Variants in TAP2 observed in about 807,000 individuals in gnomAD.
The protein encoded by TAP2 is transporter 2, ATP binding cassette subfamily B member, also known as antigen peptide transporter 2.
In TAP2, 49 loss-of-function variants were observed where a neutral mutation model predicts 74.7. The observed-to-expected ratio is 0.66, with a 90% CI of 0.52 to 0.83. TAP2 has a LOEUF of 0.83. Among genes scored for constraint, TAP2 ranks in the 40% least tolerant of loss-of-function variants. The pLI is 0.00. For synonymous variants in TAP2, 306 were observed against 368.4 expected (o/e 0.83, Z 1.94); for missense variants, 739 against 859.0 (o/e 0.86, Z 1.75).
chr6:32,824,729 CAT>C (rs1185462981), downstream of TAP2, among the ~76,000 whole-genome samples: 4 of 152,066 alleles, frequency 2.6e-5, no homozygotes, highest in African/African-American at 4.8e-5. Context: ...ATATTTTTAA[CAT>C]GTTTACCAAA....
chr6:32,830,509 G>A, intron 8 of TAP2, 69 bp from the exon 9 acceptor site: 1 of 1,592,010 alleles, frequency 6.3e-7, no homozygotes, highest in Non-Finnish European at 8.5e-7. Flanking sequence ...TCTCTTCTTA[G>A]CAGAGGCAAG....
rs1769120258 is a variant in TAP2, at chr6:32,832,150, T to C, written c.1272+183A>G. ...ATTGTTAAAGCACAGGATGTATACA[T>C]GTGAGTTTGTAATATTATTTTGTCT... On this transcript the variant is annotated intron_variant, in intron 7 of 11. Coordinates refer to ENST00000374897, the MANE Select transcript of TAP2 (RefSeq NM_001290043.2). The surrounding 1 kb of genome is among the most constrained non-coding windows in gnomAD (Gnocchi z 5.9). 5.0e-6 allele frequency: 4 copies of C among 793,556 alleles called. No homozygotes were observed. Among genetic ancestry groups the C allele is most frequent in the Non-Finnish European group, 8.0e-6 (4 of 498,522 alleles). 49.2% of individuals were successfully genotyped at this position (793,556 alleles called of 1,614,324 possible). A position where few individuals can be genotyped will look rare whatever the true frequency, so the allele number is the denominator to read the frequency against.
At chr6:32,830,474 C>G (rs1332361116) in intron 8 of TAP2, 34 bp from the exon 9 acceptor site, 3 of 1,598,428 alleles carry the variant, frequency 1.9e-6, no homozygotes, top group African/African-American at 1.3e-5. Context: ...AGGGCCTGCC[C>G]CTTCTCCCTC....
intron 1 of TAP2, 114 bp from the exon 2 acceptor site, chr6:32,838,351 T>G: frequency 7.2e-7 from 1 of 1,388,748 alleles, no homozygotes; most frequent in Non-Finnish European, 9.4e-7. Flanking sequence ...TTTTATCCTA[T>G]TCAACCCTGA....
rs1408479869 is a variant in TAP2 at position 32,832,969 on chromosome 6, G to A, written c.946-145C>T. On this transcript the variant is annotated intron_variant, in intron 5 of 11. Transcript: ENST00000374897. This position sits in a 1 kb window ranked among gnomAD's most constrained non-coding sequence, Gnocchi z 5.9. ...CTCTTCCTTACTCTTCTTTCCAGAA[G>A]GAATAAGAGTGAAGGAGCAAGGGAA... 3.7e-5 allele frequency: 36 copies of A among 962,256 alleles called. No homozygotes were observed. The highest frequency in any genetic ancestry group is 7.9e-6 in the Non-Finnish European group (5 of 629,314). 59.6% of individuals were successfully genotyped at this position (962,256 alleles called of 1,614,324 possible). A position where few individuals can be genotyped will look rare whatever the true frequency, so the allele number is the denominator to read the frequency against.
rs1033862628 is a variant in TAP2 at position 32,837,689 on chromosome 6, G to A, written c.494-38C>T. On this transcript the variant is annotated intron_variant, in intron 2 of 11. Coordinates refer to ENST00000374897, the MANE Select transcript of TAP2 (RefSeq NM_001290043.2). ...TGAAAAATAACACAAGAATGTGCTG[G>A]TGCCCAGGCCCTTTTACCACCTCCA... 1.9e-6 allele frequency: 3 copies of A among 1,614,006 alleles called. No individual in the cohort carries two copies. In the African/African-American group the frequency reaches 4.0e-5, roughly 22 times the overall value.
intron 1 of TAP2, 119 bp from the exon 2 acceptor site, chr6:32,838,356 C>A (rs1193603828): frequency 4.4e-6 from 6 of 1,365,304 alleles, no homozygotes; most frequent in African/African-American, 1.5e-5. Flanking sequence ...TCCTATTCAA[C>A]CCTGAGAGCT....
downstream of TAP2, chr6:32,825,317 T>C (rs1768574182): frequency 6.6e-6 from 1 of 152,154 alleles, no homozygotes; most frequent in African/African-American, 2.4e-5. Context: ...TTACAATGTC[T>C]ATACAAGACT....
chr6:32,827,066 T>G lies in TAP2; in HGVS notation c.*1840A>C. Reference sequence around the variant, plus strand: ...AGAAAGGCAAATCTGCACAAGAAACTGCCCACTCTCACCCCATCCTCACTG... The same window carrying G: ...AGAAAGGCAAATCTGCACAAGAAACGGCCCACTCTCACCCCATCCTCACTG... On this transcript the variant is annotated 3_prime_UTR_variant, in exon 12 of 12. Transcript: ENST00000374897. 2 of 985,696 alleles carry G rather than the reference T, an allele frequency of 2.0e-6. No individual in the cohort carries two copies. The highest frequency in any genetic ancestry group is 9.4e-5 in the South Asian group (2 of 21,276). The allele number at this position is 985,696 out of a possible 1,614,324, so 61.1% of individuals were successfully genotyped here. A position where few individuals can be genotyped will look rare whatever the true frequency, so the allele number is the denominator to read the frequency against.
At position 32,826,977 on chromosome 6, in the gene TAP2, T is replaced by C. The variant is rs553027822; in HGVS notation, c.*1929A>G. The C allele has an allele frequency of 4.1e-6, 4 of 985,408 alleles. No individual in the cohort carries two copies. Among genetic ancestry groups the C allele is most frequent in the Admixed American group, 6.1e-5 (1 of 16,278 alleles). 61.0% of individuals were successfully genotyped at this position (985,408 alleles called of 1,614,324 possible). On this transcript the variant is annotated 3_prime_UTR_variant, in exon 12 of 12. Coordinates refer to ENST00000374897, the MANE Select transcript of TAP2 (RefSeq NM_001290043.2). ...AGAGTTCTTTCTCTCCAAATGCCTATTTTACCCTCTGTGAAATTTGAGAGA... is the reference window on the plus strand; with the variant it reads ...AGAGTTCTTTCTCTCCAAATGCCTACTTTACCCTCTGTGAAATTTGAGAGA...
Position 32,837,815 on chromosome 6 carries a change from C to CTCCA in TAP2, c.415_418dup (p.Arg140MetfsTer28), listed in dbSNP as rs1385137748. On this transcript the variant is annotated frameshift_variant, in exon 2 of 12. Transcript: ENST00000374897. LOFTEE classifies it high-confidence loss of function. ...GTCCGGCCTGGAGAGCTTCAGCAGC[C>CTCCA]TCCACATCAAGACTTTGTTGTTCAC... 1.2e-6 allele frequency: 2 copies of CTCCA among 1,614,044 alleles called. No individual in the cohort carries two copies. Among genetic ancestry groups the CTCCA allele is most frequent in the Non-Finnish European group, 1.7e-6 (2 of 1,180,010 alleles).
In TAP2 at chr6:32,826,214, A is replaced by C. The variant is rs1768640807; in HGVS notation, c.*2692T>G. On this transcript the variant is annotated 3_prime_UTR_variant, in exon 12 of 12. Coordinates refer to ENST00000374897, the MANE Select transcript of TAP2 (RefSeq NM_001290043.2). ...ATTGCCATGTGGATTACAAGTGGCT[A>C]TCCCTGGGTGGAGGCATAAAGGACT... 1 of 985,442 alleles carries C rather than the reference A, an allele frequency of 1.0e-6. No homozygotes were observed. The highest frequency in any genetic ancestry group is 1.7e-5 in the African/African-American group (1 of 57,358). The allele number at this position is 985,442 out of a possible 1,614,324, so 61.0% of individuals were successfully genotyped here. A position where few individuals can be genotyped will look rare whatever the true frequency, so the allele number is the denominator to read the frequency against.
Position 32,828,908 on chromosome 6 carries a change from A to G in TAP2, c.2059T>C (p.Ter687GlnextTer17), listed in dbSNP as rs241448. 0.27 allele frequency: 417,689 copies of G among 1,543,082 alleles called. 58,879 individuals are homozygous for G. The highest frequency in any genetic ancestry group is 0.39 in the South Asian group (32,733 of 83,194). ...EGKLQKLAQL[*>Q] ...CGGGAATAGAGGTCCTGTCCCTCCT[A>G]GAGCTGGGCAAGCTTCTGCAGCTTG... Residue 687 changes from the stop codon to glutamine (Q), a stop_lost, in exon 12 of 12, where the codon TAG (stop) becomes CAG (glutamine). Transcript: ENST00000374897.
At chr6:32,838,623 C>T (rs1422055206) in intron 1 of TAP2, 30 bp downstream of exon 1, 2 of 202,848 alleles carry the variant, frequency 9.9e-6, no homozygotes, top group Non-Finnish European at 2.0e-5. Flanking sequence ...TCCCTGTTGG[C>T]GCTCCAGGTT....
intron 7 of TAP2, among the ~76,000 whole-genome samples, chr6:32,831,930 T>G (rs1395211061): frequency 6.6e-6 from 1 of 152,264 alleles, no homozygotes; most frequent in Non-Finnish European, 1.5e-5. Context: ...TGATAAATTT[T>G]AAGAACTACT....
downstream of TAP2, among the ~76,000 whole-genome samples, chr6:32,823,884 C>T (rs1768471235): frequency 6.6e-6 from 1 of 152,028 alleles, no homozygotes; most frequent in Non-Finnish European, 1.5e-5. Context: ...GTATATAATA[C>T]ACTTAGTTCC....
In TAP2 at chr6:32,830,612, AG is replaced by A; in HGVS notation, c.1461+5del. On this transcript the variant is annotated splice_donor_5th_base_variant and intron_variant, in intron 8 of 11. Coordinates refer to ENST00000374897, the MANE Select transcript of TAP2 (RefSeq NM_001290043.2). ...AGGGTCCAGGTTTCCTCCCTCTTTCAGGCACCTTGAGCACAGGCCTGTCAGG... is the reference window on the plus strand; with the variant it reads ...AGGGTCCAGGTTTCCTCCCTCTTTCAGCACCTTGAGCACAGGCCTGTCAGG... The A allele has an allele frequency of 6.2e-7, 1 of 1,613,038 alleles. No homozygotes were observed. Among genetic ancestry groups the A allele is most frequent in the East Asian group, 2.2e-5 (1 of 44,890 alleles).
Position 32,830,011 on chromosome 6 carries a change from C to A in TAP2, c.1714G>T (p.Glu572Ter). 6.2e-7 allele frequency: 1 copy of A among 1,613,116 alleles called. No individual in the cohort carries two copies. Among genetic ancestry groups the A allele is most frequent in the Non-Finnish European group, 8.5e-7 (1 of 1,180,036 alleles). Residue 572 changes from glutamate (E) to a stop codon, truncating the protein, a stop_gained, in exon 10 of 12, where the codon GAA becomes TAA. Coordinates refer to ENST00000374897, the MANE Select transcript of TAP2 (RefSeq NM_001290043.2). LOFTEE classifies it high-confidence loss of function. ...GCAGCCGCCATCACCTTATCATCTT[C>A]GCAGCTCTGCAGCCCATAAGCAATG... ...NNIAYGLQSC[E>*]DDKVMAAAQA...
chr6:32,824,026 T>C (rs1391673458), downstream of TAP2, among the ~76,000 whole-genome samples: 2 of 151,720 alleles, frequency 1.3e-5, no homozygotes, highest in Non-Finnish European at 3.0e-5. Flanking sequence ...GAGCACTTGA[T>C]TTATTAGTTT....
Sources: allele counts gnomAD v4.1 joint callset (sites outside exome capture counted in the v4.1 genomes callset), GRCh38; gene constraint gnomAD v4.1.1; non-coding constraint Gnocchi (gnomAD v3.1); transcripts MANE v1.5; gene names NCBI Gene and HGNC (gene_info 2026-07-23, HGNC 2026-07-21).